The following SCAI variants were observed in gnomAD, a reference collection of about 807,000 sequenced individuals.
SCAI encodes suppressor of cancer cell invasion.
In SCAI, 24 loss-of-function variants were observed where a neutral mutation model predicts 92.2. That is an observed-to-expected ratio of 0.26 (90% CI 0.19 to 0.37). SCAI has a LOEUF of 0.37. Ranked by LOEUF, SCAI falls within the 10% of genes least tolerant of loss-of-function variation. The pLI, the probability that SCAI is intolerant of heterozygous loss-of-function variation, is 1.00. For synonymous variants in SCAI, 261 were observed against 258.6 expected, an observed-to-expected ratio of 1.01 and a Z score of -0.09; for missense variants, 450 against 736.2, an observed-to-expected ratio of 0.61 and a Z score of 4.50.
In SCAI at chr9:125,028,496, C is replaced by T. The variant is rs746556314; in HGVS notation, c.327-18G>A. On this transcript the variant is annotated intron_variant, in intron 4 of 17. Transcript: ENST00000336505. Reference sequence around the variant, plus strand: ...AGACTTGTCTGTTTTATATAGGATACAAGAAAATAGAAATGAGTCTATAAA... The same window carrying T: ...AGACTTGTCTGTTTTATATAGGATATAAGAAAATAGAAATGAGTCTATAAA... 6 of 1,411,934 alleles carry T rather than the reference C, an allele frequency of 4.2e-6. No individual in the cohort carries two copies. In the South Asian group the frequency reaches 5.5e-5, roughly 13 times the overall value. 87.5% of individuals were successfully genotyped at this position (1,411,934 alleles called of 1,614,324 possible). A position where few individuals can be genotyped will look rare whatever the true frequency, so the allele number is the denominator to read the frequency against.
chr9:125,102,603 CTT>C (rs71878415), intron 2 of SCAI, among the ~76,000 whole-genome samples: 6 of 148,216 alleles, frequency 4.0e-5, no homozygotes, highest in African/African-American at 7.4e-5. Context: ...AACAAACCCA[CTT>C]TTTTTTTTTT....
chr9:124,997,506 C>G (rs1832263633), intron 13 of SCAI, among the ~76,000 whole-genome samples: 1 of 152,034 alleles, frequency 6.6e-6, no homozygotes, highest in Non-Finnish European at 1.5e-5. Context: ...TCTTTATAAC[C>G]AGATTGCTCT....
chr9:125,109,615 T>C (rs1588231109), intron 2 of SCAI, among the ~76,000 whole-genome samples: 2 of 152,190 alleles, frequency 1.3e-5, no homozygotes, highest in East Asian at 3.8e-4. Context: ...AAAGCCCAAA[T>C]GAACTACTGA....
chr9:124,976,210 C>T (rs770135139), intron 14 of SCAI, 24 bp from the exon 15 acceptor site: 4 of 1,505,810 alleles, frequency 2.7e-6, no homozygotes, highest in Non-Finnish European at 3.7e-6. Context: ...GAATTTAAAA[C>T]TTGCATTAAA....
intron 14 of SCAI, among the ~76,000 whole-genome samples, chr9:124,983,265 A>G (rs1414253660): frequency 6.6e-6 from 1 of 152,166 alleles, no homozygotes; most frequent in African/African-American, 2.4e-5. Flanking sequence ...TAAGGACTAG[A>G]CACTGCTACA....
intron 9 of SCAI, among the ~76,000 whole-genome samples, chr9:125,005,419 C>T (rs994012529): frequency 6.6e-6 from 1 of 152,216 alleles, no homozygotes; most frequent in African/African-American, 2.4e-5. Flanking sequence ...GCAACCTCCG[C>T]CTCCCACGTT....
At chr9:125,112,504 T>C (rs1228395236) in intron 2 of SCAI, among the ~76,000 whole-genome samples, 1 of 152,208 alleles carries the variant, frequency 6.6e-6, no homozygotes, top group African/African-American at 2.4e-5. Flanking sequence ...TTGTGAGCCA[T>C]ATAGTCTCTG....
chr9:125,110,836 G>A (rs1834914770), intron 2 of SCAI, among the ~76,000 whole-genome samples: 1 of 152,072 alleles, frequency 6.6e-6, no homozygotes, highest in Non-Finnish European at 1.5e-5. Flanking sequence ...TGCCATTTAA[G>A]AGGCCTGCTC....
chr9:125,062,333 C>G (rs1429230252), intron 2 of SCAI, among the ~76,000 whole-genome samples: 1 of 151,606 alleles, frequency 6.6e-6, no homozygotes, highest in African/African-American at 2.4e-5. Flanking sequence ...CCCATGTTGC[C>G]CAGGTTGGTC....
At chr9:125,132,033 C>A (rs945190496) in intron 2 of SCAI, among the ~76,000 whole-genome samples, 2 of 152,168 alleles carry the variant, frequency 1.3e-5, no homozygotes, top group African/African-American at 4.8e-5. Flanking sequence ...TATTTTTACA[C>A]CGTGTTACTG....
At chr9:125,075,233 G>A (rs1018208267) in intron 2 of SCAI, among the ~76,000 whole-genome samples, 1 of 152,076 alleles carries the variant, frequency 6.6e-6, no homozygotes, top group African/African-American at 2.4e-5. Flanking sequence ...AGAACTCACA[G>A]AGGCAGAAAA....
chr9:125,070,781 A>G (rs1223430448), intron 2 of SCAI, among the ~76,000 whole-genome samples: 1 of 152,184 alleles, frequency 6.6e-6, no homozygotes, highest in Non-Finnish European at 1.5e-5. Flanking sequence ...CTGTAATCTC[A>G]TGCCTGTAAT....
In SCAI at chr9:125,099,351, G is replaced by T. The variant is rs534901977; in HGVS notation, c.98+43282C>A. 1.2e-4 allele frequency among the ~76,000 whole-genome samples: 18 copies of T among 151,490 alleles called. No homozygotes were observed. The South Asian group carries it at 1.5e-3, about 12-fold the overall frequency. Reference sequence around the variant, plus strand: ...TGCCCAGGCTGGAATGCAGCAGTGCGATCTCAGTTCACTGCAACCTCCGCC... The same window carrying T: ...TGCCCAGGCTGGAATGCAGCAGTGCTATCTCAGTTCACTGCAACCTCCGCC... On this transcript the variant is annotated intron_variant, in intron 2 of 17. Transcript: ENST00000336505.
intron 14 of SCAI, among the ~76,000 whole-genome samples, chr9:124,978,558 A>G (rs1831809067): frequency 6.6e-6 from 1 of 152,250 alleles, no homozygotes; most frequent in Non-Finnish European, 1.5e-5. Flanking sequence ...AAATTGATAT[A>G]AACACTTTAG....
At position 125,126,561 on chromosome 9, in the gene SCAI, G is replaced by GGTGTGGGTGT. The variant is rs1554794281; in HGVS notation, c.98+16062_98+16071dup. On this transcript the variant is annotated intron_variant, in intron 2 of 17. Coordinates refer to ENST00000336505, the MANE Select transcript of SCAI (RefSeq NM_001144877.3). ...TCCCGCAAAGTGAGGTGGGTGGGTG[G>GGTGTGGGTGT]GTGTGGGTGTGTGTGTGTGTGTGTG... Among the ~76,000 whole-genome samples, 931 of 135,452 alleles carry GGTGTGGGTGT rather than the reference G, an allele frequency of 6.9e-3. 15 individuals are homozygous for GGTGTGGGTGT. Among genetic ancestry groups the GGTGTGGGTGT allele is most frequent in the African/African-American group, 0.026 (896 of 34,214 alleles). 88.9% of individuals were successfully genotyped at this position (135,452 alleles called of 152,430 possible). A position where few individuals can be genotyped will look rare whatever the true frequency, so the allele number is the denominator to read the frequency against.
intron 2 of SCAI, among the ~76,000 whole-genome samples, chr9:125,131,775 G>A (rs1183887133): frequency 6.6e-6 from 1 of 152,190 alleles, no homozygotes; most frequent in Non-Finnish European, 1.5e-5. Flanking sequence ...TACGGATGTT[G>A]CTGAGGCAAA....
chr9:124,989,147 A>G (rs1299866735), intron 14 of SCAI, among the ~76,000 whole-genome samples: 1 of 151,910 alleles, frequency 6.6e-6, no homozygotes, highest in African/African-American at 2.4e-5. Context: ...CTTAAAAAAT[A>G]AAAAAGTAAA....
chr9:124,975,216 A>G (rs1477438357), intron 15 of SCAI: 1 of 378,488 alleles, frequency 2.6e-6, no homozygotes, highest in Non-Finnish European at 5.3e-6. Flanking sequence ...ATATTTCTAC[A>G]TGTTTTTCCC....
chr9:124,999,543 A>T (rs1443242165), intron 13 of SCAI, among the ~76,000 whole-genome samples: 1 of 152,184 alleles, frequency 6.6e-6, no homozygotes, highest in African/African-American at 2.4e-5. Context: ...AATTTGTTTA[A>T]AAGTTCGTAT....
Sources: allele counts gnomAD v4.1 joint callset (sites outside exome capture counted in the v4.1 genomes callset), GRCh38; gene constraint gnomAD v4.1.1; transcripts MANE v1.5; gene names NCBI Gene and HGNC (gene_info 2026-07-23, HGNC 2026-07-21).